The following PCDH7 variants were observed in gnomAD, a reference collection of about 807,000 sequenced individuals.
PCDH7 encodes the protein protocadherin-7.
Under a neutral mutation model 58.9 loss-of-function variants are expected in PCDH7, and 17 were observed. The ratio of observed to expected loss-of-function variants is 0.29; its 90% CI spans 0.20 to 0.43. The LOEUF (loss-of-function observed/expected upper bound fraction) is 0.43. PCDH7 is among the 20% of genes least tolerant of loss of function. The pLI is 1.00. For missense variants in PCDH7, 1,274 were observed against 1,441.0 expected, an observed-to-expected ratio of 0.88 and a Z score of 1.88; for synonymous variants, 664 against 616.4, an observed-to-expected ratio of 1.08 and a Z score of -1.14.
intron 3 of PCDH7, among the ~76,000 whole-genome samples, chr4:31,086,812 G>A (rs1357891635): frequency 6.6e-6 from 1 of 152,080 alleles, no homozygotes; most frequent in Non-Finnish European, 1.5e-5. Flanking sequence ...AAAAGCACAA[G>A]GAATAATACA....
intron 1 of PCDH7, among the ~76,000 whole-genome samples, chr4:30,872,431 T>C (rs558745120): frequency 1.3e-5 from 2 of 152,232 alleles, no homozygotes; most frequent in Non-Finnish European, 2.9e-5. Flanking sequence ...AAAAGTTTTA[T>C]TTTATTGAAT....
At chr4:30,852,362 G>A (rs569957076) in intron 1 of PCDH7, among the ~76,000 whole-genome samples, 1 of 152,058 alleles carries the variant, frequency 6.6e-6, no homozygotes, top group African/African-American at 2.4e-5. Context: ...TGGGGGATTA[G>A]AGGATAGGGA....
intron 3 of PCDH7, among the ~76,000 whole-genome samples, chr4:31,105,878 G>A (rs1287081585): frequency 6.6e-6 from 1 of 151,898 alleles, no homozygotes; most frequent in Non-Finnish European, 1.5e-5. Context: ...ATGGTGGCGG[G>A]CGCCTGTAGT....
At chr4:31,084,089 A>G (rs958656698) in intron 3 of PCDH7, among the ~76,000 whole-genome samples, 1 of 152,156 alleles carries the variant, frequency 6.6e-6, no homozygotes, top group Non-Finnish European at 1.5e-5. Context: ...TATAAATTTG[A>G]TGTATAGTTT....
chr4:31,093,971 A>G (rs2109288962), intron 3 of PCDH7, among the ~76,000 whole-genome samples: 1 of 152,150 alleles, frequency 6.6e-6, no homozygotes, highest in African/African-American at 2.4e-5. Flanking sequence ...ATTTTACTCA[A>G]CTTTATGGTG....
chr4:30,898,856 G>T (rs536081084), intron 1 of PCDH7, among the ~76,000 whole-genome samples: 1 of 152,286 alleles, frequency 6.6e-6, no homozygotes, highest in East Asian at 1.9e-4. Flanking sequence ...CTCCCAAAGT[G>T]CTGGGATTAC....
intron 1 of PCDH7, among the ~76,000 whole-genome samples, chr4:30,776,858 GGTGTGTGTGTGTGTGT>G (rs57657077): frequency 1.4e-5 from 2 of 147,622 alleles, no homozygotes; most frequent in African/African-American, 5.0e-5. Flanking sequence ...TTTGATATGT[GGTGTGTGTGTGTGTGT>G]GTGTGTGTGT....
rs144004505 is a variant in PCDH7, at chr4:31,019,806, C to A, written c.*7+69591C>A. ...TACAGACACGCACATGCACACACAC[C>A]CACAGGTACGCATGTAATAACATAA... On this transcript the variant is annotated intron_variant, in intron 3 of 3. Coordinates refer to the PCDH7 transcript ENST00000509759. Among the ~76,000 whole-genome samples the A allele has an allele frequency of 7.0e-4, 106 of 151,930 alleles. 1 individual carries two copies. Among genetic ancestry groups the A allele is most frequent in the African/African-American group, 2.4e-3 (101 of 41,450 alleles).
At chr4:30,858,179 C>T (rs1009415075) in intron 1 of PCDH7, among the ~76,000 whole-genome samples, 2 of 152,140 alleles carry the variant, frequency 1.3e-5, no homozygotes, top group Non-Finnish European at 2.9e-5. Context: ...AAAGCTAATA[C>T]AGACTTTTGC....
chr4:30,874,799 C>T (rs1225679416), intron 1 of PCDH7, among the ~76,000 whole-genome samples: 1 of 151,422 alleles, frequency 6.6e-6, no homozygotes, highest in Non-Finnish European at 1.5e-5. Context: ...CATTTTCTAC[C>T]ATACCAGAGA....
intron 3 of PCDH7, among the ~76,000 whole-genome samples, chr4:31,142,234 C>CT (rs1720351431): frequency 6.6e-6 from 1 of 152,186 alleles, no homozygotes; most frequent in Admixed American, 6.5e-5. Context: ...CATCTACACA[C>CT]TTAAATGTAT....
chr4:30,942,844 A>G (rs371304706), intron 2 of PCDH7, among the ~76,000 whole-genome samples: 36 of 151,668 alleles, frequency 2.4e-4, no homozygotes, highest in African/African-American at 8.2e-4. Context: ...TCAGGTATAG[A>G]CAACCTACCT....
intron 1 of PCDH7, among the ~76,000 whole-genome samples, chr4:30,769,754 C>T (rs1721174297): frequency 6.6e-6 from 1 of 152,140 alleles, no homozygotes; most frequent in South Asian, 2.1e-4. Context: ...GTTTATCTTA[C>T]ATAATTCTTT....
intron 3 of PCDH7, among the ~76,000 whole-genome samples, chr4:31,050,997 T>G (rs1477658914): frequency 2.0e-5 from 3 of 152,198 alleles, no homozygotes; most frequent in African/African-American, 4.8e-5. Context: ...GAATAGCACC[T>G]GAATCTTAAT....
intron 3 of PCDH7, among the ~76,000 whole-genome samples, chr4:31,131,528 G>A (rs888255899): frequency 6.6e-6 from 1 of 152,138 alleles, no homozygotes; most frequent in Non-Finnish European, 1.5e-5. Context: ...CTCTTCCCAT[G>A]AATGGTTTTT....
chr4:30,782,867 C>CGAAT (rs1722971245), intron 1 of PCDH7, among the ~76,000 whole-genome samples: 1 of 152,018 alleles, frequency 6.6e-6, no homozygotes, highest in African/African-American at 2.4e-5. Flanking sequence ...GGGCACCTCT[C>CGAAT]GAATGAGGGT....
chr4:31,075,282 A>G (rs73218819), intron 3 of PCDH7, among the ~76,000 whole-genome samples: 10,692 of 152,208 alleles, frequency 0.07, 534 homozygotes, highest in Middle Eastern at 0.12. Context: ...TGGGGATGAC[A>G]TAGTGCTGTT....
chr4:30,745,849 AT>A (rs199964795), intron 1 of PCDH7, among the ~76,000 whole-genome samples: 5 of 151,680 alleles, frequency 3.3e-5, no homozygotes, highest in Admixed American at 6.6e-5. Flanking sequence ...ATTACTGTTA[AT>A]TTTTTTTGAT....
At chr4:31,083,424 A>T (rs1711883685) in intron 3 of PCDH7, among the ~76,000 whole-genome samples, 1 of 152,200 alleles carries the variant, frequency 6.6e-6, no homozygotes, top group Non-Finnish European at 1.5e-5. Context: ...TTTATTTAAC[A>T]TGCTCTTTCT....
Sources: gnomAD v4.1 joint callset for allele counts (sites outside exome capture counted in the v4.1 genomes callset) on GRCh38, gnomAD v4.1.1 for gene constraint, MANE v1.5 for transcripts, NCBI Gene and HGNC (gene_info 2026-07-23, HGNC 2026-07-21) for gene names.